The following LMNTD1 variants were observed in gnomAD, a reference collection of about 807,000 sequenced individuals.
LMNTD1 encodes the protein lamin tail domain containing 1, also known as lamin tail domain-containing protein 1.
A neutral mutation model predicts 50.9 loss-of-function variants in LMNTD1; 35 were observed. The observed-to-expected ratio is 0.69, with a 90% confidence interval of 0.53 to 0.91. The LOEUF (loss-of-function observed/expected upper bound fraction) is 0.91, where lower values mean the gene tolerates loss of function less well. LMNTD1 is among the 40% of genes least tolerant of loss of function. The probability of loss-of-function intolerance (pLI) is 0.00; values close to 1 mark genes in which losing one functional copy is unlikely to be tolerated. For missense variants in LMNTD1, 470 were observed against 475.5 expected, an observed-to-expected ratio of 0.99 and a Z score of 0.11; for synonymous variants, 153 against 161.9, an observed-to-expected ratio of 0.94 and a Z score of 0.42.
rs533393681 is a variant in LMNTD1 at position 25,539,757 on chromosome 12, A to C, written c.491+6617T>G. Reference sequence around the variant, plus strand: ...AACTGAAGGAAATAGAGACACAAAAAACCCTTTAAAAAATTAATGAATCCA... The same window carrying C: ...AACTGAAGGAAATAGAGACACAAAACACCCTTTAAAAAATTAATGAATCCA... On this transcript the variant is annotated intron_variant, in intron 4 of 9. Transcript: ENST00000458174. Among the ~76,000 whole-genome samples the C allele has an allele frequency of 5.5e-5, 7 of 126,362 alleles. No individual in the cohort carries two copies. In the East Asian group the frequency reaches 1.7e-3, roughly 31 times the overall value. 82.9% of individuals were successfully genotyped at this position (126,362 alleles called of 152,430 possible). A position where few individuals can be genotyped will look rare whatever the true frequency, so the allele number is the denominator to read the frequency against.
intron 8 of LMNTD1, among the ~76,000 whole-genome samples, chr12:25,511,938 A>T (rs1396813679): frequency 6.6e-6 from 1 of 152,064 alleles, no homozygotes; most frequent in Non-Finnish European, 1.5e-5. Flanking sequence ...AACCTGAATA[A>T]CTCCTATTCG....
chr12:25,542,284 C>A (rs573687958), intron 4 of LMNTD1, among the ~76,000 whole-genome samples: 1 of 151,798 alleles, frequency 6.6e-6, no homozygotes, highest in Non-Finnish European at 1.5e-5. Flanking sequence ...ATGTTTATTG[C>A]GGCATTATTC....
intron 1 of LMNTD1, among the ~76,000 whole-genome samples, chr12:25,631,525 G>T (rs896903415): frequency 6.6e-6 from 1 of 152,188 alleles, no homozygotes. Flanking sequence ...GACTTGAGGG[G>T]TAGCTAGACC....
chr12:25,546,299 T>G (rs1169717006), intron 4 of LMNTD1, 75 bp downstream of exon 4: 1 of 864,098 alleles, frequency 1.2e-6, no homozygotes, highest in Admixed American at 2.8e-5. Context: ...AACTACAGAT[T>G]AGAACTTTGT....
chr12:25,638,237 A>C (rs534934501), intron 1 of LMNTD1, among the ~76,000 whole-genome samples: 2 of 152,270 alleles, frequency 1.3e-5, no homozygotes, highest in East Asian at 3.9e-4. Context: ...TAACATACTT[A>C]ACGGTGAAAG....
At chr12:25,492,927 A>C (rs1302909598) in intron 9 of LMNTD1, among the ~76,000 whole-genome samples, 2 of 152,180 alleles carry the variant, frequency 1.3e-5, no homozygotes, top group East Asian at 3.8e-4. Flanking sequence ...TCCATATTCT[A>C]AACGTACCAA....
In LMNTD1 at chr12:25,493,077, T is replaced by C. The variant is rs552231380; in HGVS notation, c.*22+10661A>G. On this transcript the variant is annotated intron_variant, in intron 9 of 9. Transcript: ENST00000458174. ...GCTCCTTGGCACCTATCTGCAATTA[T>C]TGTTCTTCAAAGAACCCTCAGGATT... Among the ~76,000 whole-genome samples the C allele has an allele frequency of 3.3e-5, 5 of 152,332 alleles. No individual in the cohort carries two copies. In the South Asian group the frequency reaches 1.0e-3, roughly 32 times the overall value.
intron 6 of LMNTD1, 41 bp downstream of exon 6, chr12:25,526,058 A>AT (rs1941682579): frequency 5.4e-6 from 8 of 1,490,418 alleles, no homozygotes; most frequent in Admixed American, 4.8e-5. Context: ...TAAGCACAAT[A>AT]TTTAAAAAAA....
At chr12:25,623,486 G>GGAGATTGCAGTGAGCC (rs1246684683) in intron 1 of LMNTD1, among the ~76,000 whole-genome samples, 1 of 148,542 alleles carries the variant, frequency 6.7e-6, no homozygotes, top group East Asian at 2.0e-4. Flanking sequence ...CCCAGGAGGT[G>GGAGATTGCAGTGAGCC]GAGATTGCAG....
At chr12:25,574,510 GAGTA>G (rs1243317517) in intron 1 of LMNTD1, among the ~76,000 whole-genome samples, 1 of 151,336 alleles carries the variant, frequency 6.6e-6, no homozygotes, top group Admixed American at 6.6e-5. Flanking sequence ...TAAATAATGT[GAGTA>G]AGGCACTTGA....
At chr12:25,545,758 G>A (rs1591978924) in intron 4 of LMNTD1, among the ~76,000 whole-genome samples, 1 of 151,660 alleles carries the variant, frequency 6.6e-6, no homozygotes, top group East Asian at 1.9e-4. Context: ...CATAAAGGGA[G>A]AGAAAATTTC....
At chr12:25,550,389 T>A (rs1336464254) in intron 2 of LMNTD1, among the ~76,000 whole-genome samples, 1 of 152,150 alleles carries the variant, frequency 6.6e-6, no homozygotes, top group Non-Finnish European at 1.5e-5. Flanking sequence ...GTCAAAGCAA[T>A]TTTTGTGGGT....
At chr12:25,539,265 A>G (rs1298146000) in intron 4 of LMNTD1, among the ~76,000 whole-genome samples, 2 of 151,006 alleles carry the variant, frequency 1.3e-5, no homozygotes, top group Non-Finnish European at 2.9e-5. Context: ...AATCAACAGA[A>G]TATACATTTT....
chr12:25,579,082 AG>A (rs1945160148), intron 1 of LMNTD1, among the ~76,000 whole-genome samples: 1 of 152,174 alleles, frequency 6.6e-6, no homozygotes, highest in Non-Finnish European at 1.5e-5. Context: ...CTCCTAAAGG[AG>A]GAGTAATTAC....
intron 4 of LMNTD1, among the ~76,000 whole-genome samples, chr12:25,529,319 C>T (rs779117018): frequency 6.6e-6 from 1 of 152,110 alleles, no homozygotes; most frequent in African/African-American, 2.4e-5. Context: ...ACCATTAATA[C>T]ACTCATGACT....
chr12:25,516,544 T>A (rs1001757304), intron 8 of LMNTD1, among the ~76,000 whole-genome samples: 19 of 152,168 alleles, frequency 1.2e-4, no homozygotes, highest in Non-Finnish European at 2.2e-4. Flanking sequence ...CTAAAGATTA[T>A]AAAGGGCTAA....
Position 25,545,739 on chromosome 12 carries a change from GA to G in LMNTD1, c.491+634del, listed in dbSNP as rs1165631461. Among the ~76,000 whole-genome samples the G allele has an allele frequency of 4.6e-5, 7 of 151,634 alleles. No homozygotes were observed. In the South Asian group the frequency reaches 8.3e-4, roughly 18 times the overall value. On this transcript the variant is annotated intron_variant, in intron 4 of 9. Coordinates refer to ENST00000458174, the MANE Select transcript of LMNTD1 (RefSeq NM_001145728.2). ...ATAGGGCATGGGTGATTGATTTTAGGAAACATGGCATAAAGGGAGAGAAAAT... is the reference window on the plus strand; with the variant it reads ...ATAGGGCATGGGTGATTGATTTTAGGAACATGGCATAAAGGGAGAGAAAAT...
In LMNTD1 at chr12:25,518,862, T is replaced by C. The variant is rs1941007807; in HGVS notation, c.1122A>G (p.Thr374=). 12 of 1,613,900 alleles carry C rather than the reference T, an allele frequency of 7.4e-6. No individual in the cohort carries two copies. The highest frequency in any genetic ancestry group is 1.0e-5 in the Non-Finnish European group (12 of 1,180,008). The change falls in exon 8 of 10, where the codon ACA becomes ACG. Residue 374 remains threonine, a synonymous_variant. Coordinates refer to ENST00000458174, the MANE Select transcript of LMNTD1 (RefSeq NM_001145728.2). ...PYCPLIEPHN[T]STAGGRLDRQ... is the part of the protein sequence containing the mutation. ...TATCCAATCTGCCTCCAGCGGTGGA[T>C]GTATTGTGTGGTTCAATCAGAGGAC... is the stretch of plus-strand genomic sequence containing the variant.
At chr12:25,549,203 A>G (rs1943607628) in intron 3 of LMNTD1, 123 bp downstream of exon 3, 1 of 584,948 alleles carries the variant, frequency 1.7e-6, no homozygotes, top group Non-Finnish European at 3.0e-6. Flanking sequence ...ATAAGATGCT[A>G]GGAAGTTAGC....
Sources: gnomAD v4.1 joint callset for allele counts (sites outside exome capture counted in the v4.1 genomes callset) on GRCh38, gnomAD v4.1.1 for gene constraint, MANE v1.5 for transcripts, NCBI Gene and HGNC (gene_info 2026-07-23, HGNC 2026-07-21) for gene names.